The following CORO2B variants were observed in gnomAD, a reference collection of about 807,000 sequenced individuals.
CORO2B encodes the protein coronin-2B.
CORO2B carries 26 observed loss-of-function variants against 58.8 expected under a neutral mutation model. The ratio of observed to expected loss-of-function variants is 0.44; its 90% CI spans 0.32 to 0.61. The LOEUF is 0.61. CORO2B is among the 20% of genes least tolerant of loss of function. CORO2B has a pLI of 0.04. For synonymous variants in CORO2B, 242 were observed against 253.8 expected, an observed-to-expected ratio of 0.95 and a Z score of 0.44; for missense variants, 460 against 645.1, an observed-to-expected ratio of 0.71 and a Z score of 3.11.
chr15:68,725,860 C>T lies in CORO2B; in HGVS notation c.1329C>T (p.Phe443=), dbSNP rs1040388505. 6 of 1,613,804 alleles carry T rather than the reference C, an allele frequency of 3.7e-6. No individual in the cohort carries two copies. In the African/African-American group the frequency reaches 8.0e-5, roughly 22 times the overall value. The change falls in exon 12 of 12, where the codon TTC becomes TTT. Residue 443 remains phenylalanine (F), a synonymous_variant. Transcript: ENST00000261861. ...CACCCCAGCTCCTTCGAATGTTCTT[C>T]CGGCAGCAGGATGAGATTCGACGGT... is the stretch of plus-strand genomic sequence containing the variant. ...RTENELLRMF[F]RQQDEIRRLK...
In CORO2B at chr15:68,726,009, C is replaced by T. The variant is rs1451168722; in HGVS notation, c.*35C>T. 9 of 1,609,086 alleles carry T rather than the reference C, an allele frequency of 5.6e-6. No homozygotes were observed. The highest frequency in any genetic ancestry group is 7.6e-6 in the Non-Finnish European group (9 of 1,179,772). On this transcript the variant is annotated 3_prime_UTR_variant, in exon 12 of 12. Transcript: ENST00000261861. The stretch of plus-strand genomic sequence containing the variant: ...TGGGCTGTTTTCTAAGCCGATCTCT[C>T]CGTCGTTTCTACTCATCCCTTAACT...
chr15:68,539,243 C>T, the CORO2B span, among the ~76,000 whole-genome samples: 2 of 152,236 alleles, frequency 1.3e-5, no homozygotes, highest in South Asian at 2.1e-4. Flanking sequence ...CTACTGACAA[C>T]GCTTACCACT....
At chr15:68,657,426 A>T (rs573557261) in intron 2 of CORO2B, among the ~76,000 whole-genome samples, 1 of 150,452 alleles carries the variant, frequency 6.6e-6, no homozygotes, top group South Asian at 2.1e-4. Flanking sequence ...CTGAGGTTGG[A>T]GCATCACTTG....
At chr15:68,592,957 C>G (rs1899741470) in intron 1 of CORO2B, among the ~76,000 whole-genome samples, 1 of 152,184 alleles carries the variant, frequency 6.6e-6, no homozygotes, top group Non-Finnish European at 1.5e-5. Context: ...TTATAAAGAA[C>G]AGAAGTTTAT....
At chr15:68,562,902 G>A in the CORO2B span, among the ~76,000 whole-genome samples, 3 of 150,908 alleles carry the variant, frequency 2.0e-5, no homozygotes, top group African/African-American at 4.9e-5. Flanking sequence ...GCGTGAACCC[G>A]GGAGGTGGAG....
In CORO2B at chr15:68,661,363, GA is replaced by G. The variant is rs201727592; in HGVS notation, c.216+16005del. 2.9e-3 allele frequency among the ~76,000 whole-genome samples: 439 copies of G among 152,304 alleles called. 6 individuals are homozygous for G. The East Asian group carries it at 0.042, about 15-fold the overall frequency. On this transcript the variant is annotated intron_variant, in intron 2 of 11. Transcript: ENST00000261861. ...GAAACATTGTGTTTAGGAGCAAGTT[GA>G]ACTCATGGGGTTCTGGGTGGCCAGA...
intron 1 of CORO2B, among the ~76,000 whole-genome samples, chr15:68,581,169 G>A (rs1274842208): frequency 6.6e-6 from 1 of 152,176 alleles, no homozygotes; most frequent in Non-Finnish European, 1.5e-5. Flanking sequence ...CCACTGGCAG[G>A]CCTAGCTTCT....
At chr15:68,629,786 G>A (rs1259743387) in intron 1 of CORO2B, among the ~76,000 whole-genome samples, 2 of 119,566 alleles carry the variant, frequency 1.7e-5, no homozygotes, top group African/African-American at 6.6e-5. Context: ...GACCCAACTC[G>A]CTGTGGAGTC....
chr15:68,643,761 G>A (rs937675360), intron 1 of CORO2B, among the ~76,000 whole-genome samples: 3 of 152,330 alleles, frequency 2.0e-5, no homozygotes, highest in East Asian at 3.9e-4. Context: ...CAGGCCAGGC[G>A]GCACCGTGGC....
At chr15:68,576,508 G>A (rs1054527737), upstream of CORO2B, among the ~76,000 whole-genome samples, 3 of 152,226 alleles carry the variant, frequency 2.0e-5, no homozygotes, top group African/African-American at 7.2e-5. Flanking sequence ...CATGCTGGGA[G>A]CTCAGGATGA....
the CORO2B span, among the ~76,000 whole-genome samples, chr15:68,530,527 C>G: frequency 6.6e-6 from 1 of 152,020 alleles, no homozygotes; most frequent in Non-Finnish European, 1.5e-5. Context: ...TGTTGATTTA[C>G]CTACTACTTG....
At chr15:68,586,190 A>C (rs1274772340) in intron 1 of CORO2B, among the ~76,000 whole-genome samples, 2 of 152,176 alleles carry the variant, frequency 1.3e-5, no homozygotes, top group African/African-American at 2.4e-5. Context: ...TTTACTATTA[A>C]GGATTGTTAT....
the CORO2B span, among the ~76,000 whole-genome samples, chr15:68,542,078 G>A: frequency 9.8e-3 from 1,487 of 152,328 alleles, 25 homozygotes; most frequent in African/African-American, 0.033. Flanking sequence ...TTCATTGCCT[G>A]AGGTCTGGTG....
At chr15:68,690,695 G>A (rs948538426) in intron 2 of CORO2B, among the ~76,000 whole-genome samples, 2 of 146,082 alleles carry the variant, frequency 1.4e-5, no homozygotes, top group South Asian at 2.2e-4. Flanking sequence ...GGTCATCCAG[G>A]CTGGAAGAGA....
chr15:68,551,578 C>T, the CORO2B span, among the ~76,000 whole-genome samples: 3 of 152,138 alleles, frequency 2.0e-5, no homozygotes, highest in African/African-American at 7.2e-5. Flanking sequence ...CCACCTTACT[C>T]CTCTGAAGGT....
chr15:68,580,821 G>A (rs1196749573), intron 1 of CORO2B, among the ~76,000 whole-genome samples: 3 of 152,198 alleles, frequency 2.0e-5, no homozygotes, highest in Non-Finnish European at 2.9e-5. Flanking sequence ...TTAACTCAGC[G>A]CCTCCCCTGT....
chr15:68,556,800 C>A, the CORO2B span, among the ~76,000 whole-genome samples: 1 of 152,318 alleles, frequency 6.6e-6, no homozygotes, highest in Non-Finnish European at 1.5e-5. Context: ...CCCAAGCCCA[C>A]GTGACCTTGT....
the CORO2B span, among the ~76,000 whole-genome samples, chr15:68,518,691 T>G: frequency 6.6e-6 from 1 of 152,090 alleles, no homozygotes; most frequent in Non-Finnish European, 1.5e-5. Flanking sequence ...CGGGCTGATC[T>G]CTACCCTAGG....
At chr15:68,700,301 T>C (rs1336746395) in intron 3 of CORO2B, among the ~76,000 whole-genome samples, 1 of 152,198 alleles carries the variant, frequency 6.6e-6, no homozygotes, top group African/African-American at 2.4e-5. Flanking sequence ...AGGGAAGCTC[T>C]TCACAGCAGG....
Sources: gnomAD v4.1 joint callset for allele counts (sites outside exome capture counted in the v4.1 genomes callset) on GRCh38, gnomAD v4.1.1 for gene constraint, MANE v1.5 for transcripts, NCBI Gene and HGNC (gene_info 2026-07-23, HGNC 2026-07-21) for gene names.